MEGF6: variants seen among roughly 807,000 people sequenced by gnomAD.
MEGF6 encodes multiple epidermal growth factor-like domains protein 6.
MEGF6 carries 184 observed loss-of-function variants against 207.1 expected under a neutral mutation model. The observed-to-expected ratio is 0.89, with a 90% CI of 0.79 to 1.00. The LOEUF (loss-of-function observed/expected upper bound fraction) is 1.00. Ranked by LOEUF, MEGF6 falls within the 50% of genes least tolerant of loss-of-function variation. The pLI, the probability that MEGF6 is intolerant of heterozygous loss-of-function variation, is 0.00. For synonymous variants in MEGF6, 1,038 were observed against 910.0 expected (o/e 1.14, Z -2.53); for missense variants, 2,282 against 2,202.9 (o/e 1.04, Z -0.72).
chr1:3,507,670 G>T, intron 14 of MEGF6, 125 bp downstream of exon 14: 1 of 1,297,680 alleles, frequency 7.7e-7, no homozygotes, highest in Non-Finnish European at 1.1e-6. Context: ...TCTAGGAAAA[G>T]TTTGGTAGCA....
At chr1:3,578,142 G>A (rs1643693565) in intron 4 of MEGF6, among the ~76,000 whole-genome samples, 1 of 152,104 alleles carries the variant, frequency 6.6e-6, no homozygotes, top group Non-Finnish European at 1.5e-5. Flanking sequence ...ACCCCGCAAG[G>A]CCACCTCCTC....
At chr1:3,610,802 C>T (rs7525560) in intron 1 of MEGF6, among the ~76,000 whole-genome samples, 34,846 of 152,128 alleles carry the variant, frequency 0.23, 4,206 homozygotes, top group East Asian at 0.36. Flanking sequence ...CTTCTCCCAG[C>T]CGGGCTCTGG....
intron 4 of MEGF6, among the ~76,000 whole-genome samples, chr1:3,558,401 A>G (rs1398001610): frequency 6.6e-6 from 1 of 152,194 alleles, no homozygotes; most frequent in African/African-American, 2.4e-5. Context: ...TTAGGAGGCC[A>G]AGGCAGGAGG....
At chr1:3,531,096 G>C in intron 4 of MEGF6, 2 of 1,526,054 alleles carry the variant, frequency 1.3e-6, no homozygotes, top group Middle Eastern at 2.2e-4. Context: ...TCTGGTCACC[G>C]GCGCTCACGG....
At chr1:3,553,757 G>A (rs924359483) in intron 4 of MEGF6, among the ~76,000 whole-genome samples, 1 of 152,174 alleles carries the variant, frequency 6.6e-6, no homozygotes, top group Admixed American at 6.5e-5. Context: ...GCAGGGCAGC[G>A]GCAGGCATCG....
chr1:3,591,630 G>A (rs1340730022), intron 3 of MEGF6, among the ~76,000 whole-genome samples: 4 of 149,794 alleles, frequency 2.7e-5, no homozygotes, highest in Non-Finnish European at 5.9e-5. Context: ...GCTGTTGGGG[G>A]CTGCTACCAA....
At chr1:3,602,706 C>G in intron 1 of MEGF6, 106 bp from the exon 2 acceptor site, 1 of 1,455,864 alleles carries the variant, frequency 6.9e-7, no homozygotes, top group South Asian at 1.4e-5. Flanking sequence ...GAGTGAGGTC[C>G]AGACCCGTGG....
chr1:3,593,942 C>T (rs553239972), intron 3 of MEGF6, among the ~76,000 whole-genome samples: 7 of 152,324 alleles, frequency 4.6e-5, no homozygotes, highest in African/African-American at 1.7e-4. Flanking sequence ...GGCCATCATC[C>T]CTTCTCTTCC....
chr1:3,510,707 G>C (rs1392379872), intron 10 of MEGF6, 76 bp downstream of exon 10: 3 of 1,515,900 alleles, frequency 2.0e-6, no homozygotes, highest in African/African-American at 2.7e-5. Flanking sequence ...GGGTACCAGA[G>C]CCAGCCCCGT....
At chr1:3,517,521 G>C (rs757549946) in intron 5 of MEGF6, among the ~76,000 whole-genome samples, 2 of 152,334 alleles carry the variant, frequency 1.3e-5, no homozygotes, top group Non-Finnish European at 2.9e-5. Flanking sequence ...ACGGATTCCC[G>C]GAAAGCTGAA....
chr1:3,528,638 C>T (rs916467333), intron 4 of MEGF6, among the ~76,000 whole-genome samples: 4 of 151,826 alleles, frequency 2.6e-5, no homozygotes, highest in Admixed American at 1.3e-4. Context: ...GGTCAGAGGG[C>T]GGGGAGGAGG....
At chr1:3,599,583 C>A (rs1644126715) in intron 2 of MEGF6, among the ~76,000 whole-genome samples, 1 of 152,254 alleles carries the variant, frequency 6.6e-6, no homozygotes, top group East Asian at 1.9e-4. Flanking sequence ...ACCCTTCAGG[C>A]CTGGGCAGGG....
In MEGF6 at chr1:3,498,816, G is replaced by T. The variant is rs1457849748; in HGVS notation, c.3105C>A (p.Ala1035=). Residue 1035 remains alanine, a synonymous_variant, in exon 25 of 37, where the codon GCC becomes GCA. Transcript: ENST00000356575. ...GCCGACAGTTGTCGCCGTACAGGCC[G>T]GCAGGGCAGGCTGGGGCCAGGGAAG... ...MGPSCLQACP[A]GLYGDNCRHS... 3.2e-6 allele frequency: 5 copies of T among 1,552,586 alleles called. No homozygotes were observed. In the East Asian group the frequency reaches 7.3e-5, roughly 23 times the overall value.
rs1484254978 is a variant in MEGF6 at position 3,524,245 on chromosome 1, A to T, written c.483T>A (p.Asp161Glu). 1.9e-6 allele frequency: 3 copies of T among 1,610,610 alleles called. No homozygotes were observed. The highest frequency in any genetic ancestry group is 2.2e-5 in the South Asian group (2 of 91,014). ...CGTTGTGGGTTCGGCATTCGTCCAC[A>T]TCTGAGCAGGAATGGGGAAGGATCA... ...PGFQGPRCQY[D>E]VDECRTHNGG... The change falls in exon 5 of 37, where the codon GAT becomes GAA. Residue 161 changes from aspartate (D) to glutamate (E), a missense_variant and splice_region_variant. Transcript: ENST00000356575.
intron 4 of MEGF6, among the ~76,000 whole-genome samples, chr1:3,559,999 G>A (rs1570137123): frequency 7.0e-6 from 1 of 142,030 alleles, no homozygotes; most frequent in African/African-American, 2.6e-5. Context: ...AACAGTATGA[G>A]AGTCCGTCTC....
chr1:3,559,110 C>T (rs1643116628), intron 4 of MEGF6, among the ~76,000 whole-genome samples: 1 of 152,234 alleles, frequency 6.6e-6, no homozygotes, highest in African/African-American at 2.4e-5. Context: ...CCTCCCTCTG[C>T]ACTGGGAGCT....
At chr1:3,593,399 C>T (rs1030342776) in intron 3 of MEGF6, among the ~76,000 whole-genome samples, 1 of 152,082 alleles carries the variant, frequency 6.6e-6, no homozygotes, top group South Asian at 2.1e-4. Context: ...ACACCTCTAC[C>T]TGCAGTTGCC....
intron 4 of MEGF6, chr1:3,547,135 G>T (rs1341607451): frequency 6.5e-6 from 1 of 152,996 alleles, no homozygotes; most frequent in Non-Finnish European, 1.5e-5. Flanking sequence ...TGCGAGGGGA[G>T]AAGCAGGTGA....
chr1:3,533,279 C>T (rs1460132015), intron 4 of MEGF6, among the ~76,000 whole-genome samples: 1 of 152,224 alleles, frequency 6.6e-6, no homozygotes, highest in African/African-American at 2.4e-5. Flanking sequence ...TGGCCCCCAA[C>T]ACTCTGCAGA....
Sources: gnomAD v4.1 joint callset for allele counts (sites outside exome capture counted in the v4.1 genomes callset) on GRCh38, gnomAD v4.1.1 for gene constraint, MANE v1.5 for transcripts, NCBI Gene and HGNC (gene_info 2026-07-23, HGNC 2026-07-21) for gene names.